TAF4: variants seen among roughly 807,000 people sequenced by gnomAD.
TAF4 encodes the protein transcription initiation factor TFIID subunit 4.
In TAF4, 9 loss-of-function variants were observed where a neutral mutation model predicts 90.3. The ratio of observed to expected loss-of-function variants is 0.10; its 90% CI spans 0.06 to 0.17. The LOEUF (loss-of-function observed/expected upper bound fraction) is 0.17. Ranked by LOEUF, TAF4 falls within the 10% of genes least tolerant of loss-of-function variation. The probability of loss-of-function intolerance (pLI) is 1.00; values close to 1 mark genes in which losing one functional copy is unlikely to be tolerated. For missense variants in TAF4, 1,351 were observed against 1,370.7 expected (o/e 0.99, Z 0.23); for synonymous variants, 818 against 638.9 (o/e 1.28, Z -4.23).
At chr20:62,033,910 C>T (rs2055918044) in intron 1 of TAF4, among the ~76,000 whole-genome samples, 1 of 151,884 alleles carries the variant, frequency 6.6e-6, no homozygotes, top group Non-Finnish European at 1.5e-5. Flanking sequence ...GGCATGGTGG[C>T]AGGCGCCTGT....
At chr20:62,020,094 C>T (rs762266984) in intron 1 of TAF4, among the ~76,000 whole-genome samples, 3 of 152,212 alleles carry the variant, frequency 2.0e-5, no homozygotes, top group Non-Finnish European at 4.4e-5. Flanking sequence ...CATCCCTCCA[C>T]AGGGGTCCAT....
chr20:61,997,253 T>A (rs2055668954), intron 14 of TAF4, among the ~76,000 whole-genome samples: 1 of 152,210 alleles, frequency 6.6e-6, no homozygotes, highest in Non-Finnish European at 1.5e-5. Context: ...AAGATCCCTA[T>A]TCGGATCATT....
intron 5 of TAF4, chr20:62,008,020 G>T: frequency 5.9e-6 from 1 of 170,780 alleles, no homozygotes; most frequent in Non-Finnish European, 1.3e-5. Flanking sequence ...TGCAAGTGCG[G>T]TGCTGCAGGA....
chr20:62,011,034 G>A (rs181687837), intron 3 of TAF4, among the ~76,000 whole-genome samples: 23 of 152,200 alleles, frequency 1.5e-4, no homozygotes, highest in Admixed American at 7.8e-4. Flanking sequence ...GAATGGCTCC[G>A]GAGCAGCGAG....
intron 14 of TAF4, among the ~76,000 whole-genome samples, chr20:61,991,147 A>G (rs935649415): frequency 6.6e-6 from 1 of 152,202 alleles, no homozygotes; most frequent in Non-Finnish European, 1.5e-5. Flanking sequence ...GGCCAGGCAC[A>G]ATGGCTCACA....
chr20:62,014,783 G>A (rs1052268430), intron 1 of TAF4, 76 bp from the exon 2 acceptor site: 23 of 1,549,176 alleles, frequency 1.5e-5, no homozygotes, highest in Non-Finnish European at 1.9e-5. Flanking sequence ...TGACCCAGGG[G>A]AAGCTGACAG....
chr20:62,030,324 C>T (rs1016629487), intron 1 of TAF4, among the ~76,000 whole-genome samples: 2 of 152,240 alleles, frequency 1.3e-5, no homozygotes, highest in Admixed American at 6.5e-5. Flanking sequence ...GCATCACAGA[C>T]GTCACCACCC....
intron 1 of TAF4, among the ~76,000 whole-genome samples, chr20:62,044,811 C>G (rs1370352458): frequency 6.6e-6 from 1 of 152,178 alleles, no homozygotes; most frequent in African/African-American, 2.4e-5. Flanking sequence ...CGAAACTGCT[C>G]GAGAGTCATT....
At chr20:61,984,631 A>G (rs1455203768) in intron 14 of TAF4, among the ~76,000 whole-genome samples, 2 of 131,464 alleles carry the variant, frequency 1.5e-5, no homozygotes, top group East Asian at 2.4e-4. Context: ...GCTGGGAAAG[A>G]GGAAGCTCCT....
At chr20:62,015,915 T>C (rs1159218928) in intron 1 of TAF4, among the ~76,000 whole-genome samples, 1 of 152,236 alleles carries the variant, frequency 6.6e-6, no homozygotes, top group African/African-American at 2.4e-5. Flanking sequence ...GCCACATTTA[T>C]GCCCATTAAG....
chr20:62,065,811 CT>C lies in TAF4; in HGVS notation c.-2del, dbSNP rs775582753. ...CCAGCAGATCCGAGCCCGCCGCCAT[CT>C]TTTTTCCTCGGCCGCCGCCGCCGCC... On this transcript the variant is annotated 5_prime_UTR_variant, in exon 1 of 15. Coordinates refer to ENST00000252996, the MANE Select transcript of TAF4 (RefSeq NM_003185.4). 2.9e-5 allele frequency: 38 copies of C among 1,289,004 alleles called. No homozygotes were observed. The highest frequency in any genetic ancestry group is 2.0e-4 in the East Asian group (4 of 19,928). The allele number at this position is 1,289,004 out of a possible 1,614,324, so 79.8% of individuals were successfully genotyped here.
chr20:61,988,330 T>A (rs577052322), intron 14 of TAF4, among the ~76,000 whole-genome samples: 1 of 152,038 alleles, frequency 6.6e-6, no homozygotes, highest in South Asian at 2.1e-4. Context: ...ACTAAAAAAG[T>A]CCCCTCCTTT....
Position 61,976,301 on chromosome 20 carries a change from G to A in TAF4, c.3125C>T (p.Ser1042Leu), listed in dbSNP as rs769267728. The change falls in exon 15 of 15, where the codon TCG becomes TTG. Residue 1042 changes from serine (S) to leucine (L), a missense_variant. Transcript: ENST00000252996. Reference sequence around the variant, plus strand: ...GAACTGTCTGGGGGTTCCGACACCCGAGCTGCCTGGGACCACTGAGCCGGG... The same window carrying A: ...GAACTGTCTGGGGGTTCCGACACCCAAGCTGCCTGGGACCACTGAGCCGGG... ...SGPGSVVPGS[S>L]GVGTPRQFTR... 8 of 1,613,682 alleles carry A rather than the reference G, an allele frequency of 5.0e-6. No individual in the cohort carries two copies. Among genetic ancestry groups the A allele is most frequent in the Non-Finnish European group, 5.9e-6 (7 of 1,180,040 alleles).
At chr20:62,009,365 C>G (rs944214380) in intron 4 of TAF4, among the ~76,000 whole-genome samples, 191 bp from the exon 5 acceptor site, 30 of 152,204 alleles carry the variant, frequency 2.0e-4, no homozygotes, top group African/African-American at 6.8e-4. Flanking sequence ...ACATGGCCAC[C>G]GAAGTCAGCA....
rs905649790 is a variant in TAF4 at position 62,006,864 on chromosome 20, G to C, written c.1975-106C>G. The C allele has an allele frequency of 1.3e-5, 18 of 1,380,416 alleles. No homozygotes were observed. Among genetic ancestry groups the C allele is most frequent in the Non-Finnish European group, 1.6e-5 (17 of 1,055,958 alleles). 85.5% of individuals were successfully genotyped at this position (1,380,416 alleles called of 1,614,324 possible). The stretch of plus-strand genomic sequence containing the variant: ...CTTTTACAGAAAGCTTTTGAGCTAA[G>C]TAAGATGGATCTTGGCCCTCACGGC... On this transcript the variant is annotated intron_variant, in intron 6 of 14. Transcript: ENST00000252996. The surrounding 1 kb of genome is among the most constrained non-coding windows in gnomAD (Gnocchi z 7.0).
chr20:62,040,305 G>T (rs1485701246), intron 1 of TAF4, among the ~76,000 whole-genome samples: 2 of 152,226 alleles, frequency 1.3e-5, no homozygotes, highest in Non-Finnish European at 2.9e-5. Flanking sequence ...ACCAGCTACT[G>T]GCACGCACAC....
chr20:62,003,705 C>T (rs768665319), intron 8 of TAF4, 26 bp downstream of exon 8: 10 of 1,552,702 alleles, frequency 6.4e-6, no homozygotes, highest in South Asian at 4.7e-5. Flanking sequence ...TGGTGTTGAG[C>T]GGCCAGGGGC....
intron 1 of TAF4, among the ~76,000 whole-genome samples, chr20:62,023,118 CA>C (rs2055853103): frequency 6.6e-6 from 1 of 152,114 alleles, no homozygotes; most frequent in South Asian, 2.1e-4. Context: ...TACAGAAATG[CA>C]AAAGTCTTAG....
intron 3 of TAF4, among the ~76,000 whole-genome samples, chr20:62,011,012 G>A (rs2055774928): frequency 6.6e-6 from 1 of 152,162 alleles, no homozygotes. Context: ...GCAGGGGGCA[G>A]TGTAAGCCTG....
Sources: gnomAD v4.1 joint callset for allele counts (sites outside exome capture counted in the v4.1 genomes callset) on GRCh38, gnomAD v4.1.1 for gene constraint, Gnocchi (gnomAD v3.1) non-coding constraint, MANE v1.5 for transcripts, NCBI Gene and HGNC (gene_info 2026-07-23, HGNC 2026-07-21) for gene names.